Variants in TCF12 observed in about 807,000 individuals in gnomAD.
The protein encoded by TCF12 is DNA-binding protein HTF4.
Under a neutral mutation model 86.0 loss-of-function variants are expected in TCF12, and 45 were observed. That is an observed-to-expected ratio of 0.52 (90% CI 0.41 to 0.67). TCF12 has a LOEUF of 0.67. Among genes scored for constraint, TCF12 ranks in the 30% least tolerant of loss-of-function variants. TCF12 has a pLI of 0.00. For synonymous variants in TCF12, 330 were observed against 299.6 expected (o/e 1.10, Z -1.05); for missense variants, 881 against 859.9 (o/e 1.02, Z -0.31).
chr15:57,116,445 A>G (rs1179208106), intron 5 of TCF12, among the ~76,000 whole-genome samples: 3 of 152,050 alleles, frequency 2.0e-5, no homozygotes, highest in Non-Finnish European at 4.4e-5. Context: ...TCCTAGTCTC[A>G]AGAGATGCTC....
chr15:57,175,890 A>G (rs1236448516), intron 6 of TCF12, among the ~76,000 whole-genome samples: 2 of 152,212 alleles, frequency 1.3e-5, no homozygotes, highest in Admixed American at 6.5e-5. Context: ...TTAAAAAGAA[A>G]TGTTGTCATG....
At chr15:57,251,282 T>G in intron 13 of TCF12, 68 bp from the exon 14 acceptor site, 1 of 1,361,214 alleles carries the variant, frequency 7.3e-7, no homozygotes, top group Non-Finnish European at 1.0e-6. Context: ...ATCTTTACCC[T>G]TTCCTTCACA....
intron 8 of TCF12, among the ~76,000 whole-genome samples, chr15:57,218,389 A>G (rs1218880415): frequency 6.6e-6 from 1 of 152,212 alleles, no homozygotes; most frequent in Non-Finnish European, 1.5e-5. Context: ...ATTGATTGGA[A>G]AACATTTAAA....
At chr15:56,950,156 A>C (rs751581377) in intron 3 of TCF12, among the ~76,000 whole-genome samples, 4 of 151,456 alleles carry the variant, frequency 2.6e-5, no homozygotes, top group Non-Finnish European at 5.9e-5. Flanking sequence ...TCCCATCCCT[A>C]CTCCCACATA....
chr15:57,033,879 G>A (rs1237732673), intron 3 of TCF12, among the ~76,000 whole-genome samples: 1 of 152,152 alleles, frequency 6.6e-6, no homozygotes, highest in Non-Finnish European at 1.5e-5. Flanking sequence ...GAATGGTTTA[G>A]AAATGGATAT....
chr15:57,021,744 A>ATT (rs35563193), intron 3 of TCF12, among the ~76,000 whole-genome samples: 1 of 149,502 alleles, frequency 6.7e-6, no homozygotes. Flanking sequence ...TTATACTTAG[A>ATT]TTTTTTTTTT....
intron 8 of TCF12, among the ~76,000 whole-genome samples, chr15:57,213,289 A>C (rs1327210645): frequency 6.6e-6 from 1 of 152,262 alleles, no homozygotes; most frequent in African/African-American, 2.4e-5. Flanking sequence ...ACCATTCTTA[A>C]AAGATACGTC....
intron 3 of TCF12, among the ~76,000 whole-genome samples, chr15:56,936,434 T>G (rs1424389532): frequency 6.6e-6 from 1 of 152,222 alleles, no homozygotes; most frequent in African/African-American, 2.4e-5. Flanking sequence ...GTGTGTTGTC[T>G]GTTTACTCTG....
intron 3 of TCF12, among the ~76,000 whole-genome samples, chr15:57,014,139 C>A (rs1262829250): frequency 6.6e-6 from 1 of 152,136 alleles, no homozygotes; most frequent in Admixed American, 6.5e-5. Context: ...CTCCTTGGGT[C>A]TATTGATACT....
intron 5 of TCF12, among the ~76,000 whole-genome samples, chr15:57,156,308 A>G (rs569242387): frequency 6.6e-6 from 1 of 152,234 alleles, no homozygotes; most frequent in Non-Finnish European, 1.5e-5. Context: ...AAATCATTTA[A>G]TCCACACTTG....
intron 3 of TCF12, among the ~76,000 whole-genome samples, chr15:56,995,743 A>G (rs1375109545): frequency 2.6e-5 from 4 of 151,986 alleles, no homozygotes; most frequent in Admixed American, 2.6e-4. Flanking sequence ...CCATGAAGAG[A>G]GAGAGCTCAT....
At chr15:57,170,682 TA>T (rs1567558049) in intron 6 of TCF12, among the ~76,000 whole-genome samples, 1 of 13,050 alleles carries the variant, frequency 7.7e-5, no homozygotes, top group South Asian at 1.6e-3. Context: ...TATAATATAT[TA>T]TATATAATAT....
At chr15:57,284,604 T>G (rs568565549) in intron 20 of TCF12, among the ~76,000 whole-genome samples, 2 of 152,260 alleles carry the variant, frequency 1.3e-5, no homozygotes, top group East Asian at 3.9e-4. Context: ...CAAAGAAGAG[T>G]GATGGGAGAG....
chr15:57,025,292 C>A (rs1467475450), intron 3 of TCF12, among the ~76,000 whole-genome samples: 1 of 152,172 alleles, frequency 6.6e-6, no homozygotes, highest in Non-Finnish European at 1.5e-5. Flanking sequence ...GTTGGCCACG[C>A]TGGTCTCGAA....
chr15:56,926,411 T>C (rs539134701), intron 3 of TCF12, among the ~76,000 whole-genome samples: 43 of 152,148 alleles, frequency 2.8e-4, no homozygotes, highest in Non-Finnish European at 5.6e-4. Flanking sequence ...ACACACATTA[T>C]TGTAGTTTAA....
intron 8 of TCF12, among the ~76,000 whole-genome samples, chr15:57,214,804 G>A (rs191180003): frequency 2.0e-4 from 30 of 152,108 alleles, no homozygotes; most frequent in African/African-American, 6.3e-4. Context: ...TTTTTTTCAT[G>A]GAGTGCCACT....
intron 3 of TCF12, among the ~76,000 whole-genome samples, chr15:56,970,497 A>AAAAC (rs2062247365): frequency 2.0e-5 from 3 of 151,306 alleles, no homozygotes; most frequent in Non-Finnish European, 2.9e-5. Flanking sequence ...AAAAAAAAAA[A>AAAAC]AAAAACAAGA....
chr15:57,092,766 T>C (rs2049071971), intron 5 of TCF12, among the ~76,000 whole-genome samples: 1 of 152,192 alleles, frequency 6.6e-6, no homozygotes, highest in African/African-American at 2.4e-5. Flanking sequence ...TGGCATCATA[T>C]AAATATGGAA....
chr15:57,269,496 T>G (rs769757640), intron 18 of TCF12, among the ~76,000 whole-genome samples: 1 of 151,168 alleles, frequency 6.6e-6, no homozygotes, highest in African/African-American at 2.4e-5. Context: ...CTGATGGGTC[T>G]TCACTCTTTA....
Sources: allele counts gnomAD v4.1 joint callset (sites outside exome capture counted in the v4.1 genomes callset), GRCh38; gene constraint gnomAD v4.1.1; transcripts MANE v1.5; gene names NCBI Gene and HGNC (gene_info 2026-07-23, HGNC 2026-07-21).